The following MYH9 variants were observed in gnomAD, a reference collection of about 807,000 sequenced individuals.
MYH9 encodes myosin-9.
In MYH9, 29 loss-of-function variants were observed where a neutral mutation model predicts 241.9. The ratio of observed to expected loss-of-function variants is 0.12; its 90% CI spans 0.09 to 0.16. The LOEUF (loss-of-function observed/expected upper bound fraction) is 0.16. MYH9 is among the 10% of genes least tolerant of loss of function. The probability of loss-of-function intolerance (pLI) is 1.00; values close to 1 mark genes in which losing one functional copy is unlikely to be tolerated. For synonymous variants in MYH9, 1,047 were observed against 1,062.6 expected, an observed-to-expected ratio of 0.99 and a Z score of 0.29; for missense variants, 1,803 against 2,595.5, an observed-to-expected ratio of 0.69 and a Z score of 6.63.
chr22:36,294,197 C>T lies in MYH9; in HGVS notation c.3732G>A (p.Glu1244=). ...KVLLQGKGDS[E]HKRKKVEAQL... ...GCGCCTCCACTTTCTTGCGCTTGTG[C>T]TCCGAGTCCCCTTTGCCCTGCAGCA... The change falls in exon 28 of 41, where the codon GAG becomes GAA. Residue 1244 remains glutamate, a synonymous_variant. Coordinates refer to ENST00000216181, the MANE Select transcript of MYH9 (RefSeq NM_002473.6). 1.9e-6 allele frequency: 3 copies of T among 1,614,046 alleles called. No individual in the cohort carries two copies. The highest frequency in any genetic ancestry group is 2.5e-6 in the Non-Finnish European group (3 of 1,180,048).
chr22:36,358,012 G>C (rs2017882234), intron 1 of MYH9, among the ~76,000 whole-genome samples: 1 of 152,228 alleles, frequency 6.6e-6, no homozygotes, highest in East Asian at 1.9e-4. Flanking sequence ...GGGTCCAGAT[G>C]ATTAACGGAA....
chr22:36,377,579 C>A (rs1273178354), intron 1 of MYH9, among the ~76,000 whole-genome samples: 1 of 152,152 alleles, frequency 6.6e-6, no homozygotes, highest in African/African-American at 2.4e-5. Context: ...ACCTTGTTAT[C>A]AAGGGACAGG....
intron 1 of MYH9, among the ~76,000 whole-genome samples, chr22:36,371,160 T>A (rs1603484508): frequency 6.6e-6 from 1 of 152,350 alleles, no homozygotes; most frequent in East Asian, 1.9e-4. Flanking sequence ...GATTGAATTG[T>A]GTCCCTCCCA....
intron 1 of MYH9, among the ~76,000 whole-genome samples, chr22:36,359,513 T>A (rs2017904265): frequency 6.6e-6 from 1 of 152,158 alleles, no homozygotes; most frequent in South Asian, 2.1e-4. Flanking sequence ...AATTTTTATA[T>A]CCTCAAAACA....
chr22:36,288,465 T>C lies in MYH9; in HGVS notation c.4771-52A>G, dbSNP rs1473090720. 6.2e-7 allele frequency: 1 copy of C among 1,600,034 alleles called. No homozygotes were observed. Among genetic ancestry groups the C allele is most frequent in the South Asian group, 1.1e-5 (1 of 91,006 alleles). On this transcript the variant is annotated intron_variant, in intron 33 of 40. Coordinates refer to ENST00000216181, the MANE Select transcript of MYH9 (RefSeq NM_002473.6). This position sits in a 1 kb window ranked among gnomAD's most constrained non-coding sequence, Gnocchi z 4.8. ...GGAAGCTGGACCCACTGGGAGACCCTGCCCTAGCTCTGAACTCAGGAGCCT... is the reference window on the plus strand; with the variant it reads ...GGAAGCTGGACCCACTGGGAGACCCCGCCCTAGCTCTGAACTCAGGAGCCT...
chr22:36,342,061 C>A (rs916475053), intron 2 of MYH9, among the ~76,000 whole-genome samples: 1 of 152,226 alleles, frequency 6.6e-6, no homozygotes, highest in Non-Finnish European at 1.5e-5. Context: ...GGGTCCCTGA[C>A]AGACACCTCT....
Position 36,341,527 on chromosome 22 carries a change from CT to C in MYH9, c.334-2del. On this transcript the variant is annotated splice_acceptor_variant, in intron 2 of 40. Transcript: ENST00000216181. LOFTEE classifies it high-confidence loss of function. ...CCACACAGAACAGGCCTGAATAGGT[CT>C]AAAGAAAAGAGCGGCAGATAGGAAC... 1 of 1,613,850 alleles carries C rather than the reference CT, an allele frequency of 6.2e-7. No individual in the cohort carries two copies.
At chr22:36,359,485 C>T (rs1263372989) in intron 1 of MYH9, among the ~76,000 whole-genome samples, 2 of 152,196 alleles carry the variant, frequency 1.3e-5, no homozygotes, top group East Asian at 3.8e-4. Context: ...GTTACAAACA[C>T]CAAACCATTT....
chr22:36,301,440 TAG>T (rs1236085975), intron 21 of MYH9, 92 bp downstream of exon 21: 4 of 1,550,104 alleles, frequency 2.6e-6, no homozygotes, highest in Non-Finnish European at 2.6e-6. Flanking sequence ...CCTATAGTAA[TAG>T]AAACTTCCAG....
chr22:36,296,471 A>G (rs2016789289), intron 25 of MYH9, among the ~76,000 whole-genome samples: 1 of 150,922 alleles, frequency 6.6e-6, no homozygotes, highest in Admixed American at 6.6e-5. Context: ...CCTGACCTCA[A>G]GTGATCCACC....
intron 3 of MYH9, among the ~76,000 whole-genome samples, chr22:36,335,366 C>T (rs1372363393): frequency 2.6e-5 from 4 of 152,244 alleles, no homozygotes; most frequent in East Asian, 1.9e-4. Flanking sequence ...GGCCTGCTCC[C>T]AACCTCCCCA....
chr22:36,382,446 G>A (rs2018273736), intron 1 of MYH9, among the ~76,000 whole-genome samples: 1 of 152,058 alleles, frequency 6.6e-6, no homozygotes, highest in Non-Finnish European at 1.5e-5. Flanking sequence ...CTGCACTCCA[G>A]CCTGGGCAAC....
Position 36,306,086 on chromosome 22 carries a change from C to T in MYH9, c.2038-35G>A, listed in dbSNP as rs1484299550. The T allele has an allele frequency of 1.2e-6, 2 of 1,611,406 alleles. No individual in the cohort carries two copies. The highest frequency in any genetic ancestry group is 1.7e-6 in the Non-Finnish European group (2 of 1,179,952). ...AAAACACATGCATGCGGTCTCACTT[C>T]CGTGCCTAGAACAGTCGGAGAATAG... On this transcript the variant is annotated intron_variant, in intron 16 of 40. Transcript: ENST00000216181. The surrounding 1 kb of genome is among the most constrained non-coding windows in gnomAD (Gnocchi z 4.1).
intron 1 of MYH9, among the ~76,000 whole-genome samples, chr22:36,376,801 T>C (rs977095394): frequency 2.0e-5 from 3 of 152,150 alleles, no homozygotes; most frequent in Admixed American, 6.5e-5. Flanking sequence ...CAGTGGCTCA[T>C]GCCTGTAATC....
Position 36,316,637 on chromosome 22 carries a change from C to G in MYH9, c.1260G>C (p.Ala420=), listed in dbSNP as rs369202401. ...GCCAGCGGAACATCCGCTCATAGGT[C>G]GCCTTGGCCAAGGCCTCGATGGCAA... ...ADFAIEALAK[A]TYERMFRWLV... is the part of the protein sequence containing the mutation. Residue 420 remains alanine (A), a synonymous_variant, in exon 12 of 41, where the codon GCG becomes GCC. Transcript: ENST00000216181. 14 of 1,613,906 alleles carry G rather than the reference C, an allele frequency of 8.7e-6. No homozygotes were observed. Among genetic ancestry groups the G allele is most frequent in the Non-Finnish European group, 1.2e-5 (14 of 1,180,046 alleles).
rs552935846 is a variant in MYH9 at position 36,379,599 on chromosome 22, A to T, written c.-20+8208T>A. 5.9e-5 allele frequency among the ~76,000 whole-genome samples: 9 copies of T among 152,326 alleles called. No homozygotes were observed. In the East Asian group the frequency reaches 1.7e-3, roughly 29 times the overall value. ...TGAGAAGCCCCTTTTCTCCTCTGGG[A>T]CATACCATAAGGATGGTAAGGGCCT... On this transcript the variant is annotated intron_variant, in intron 1 of 40. Transcript: ENST00000216181.
At chr22:36,358,073 G>A (rs1361170258) in intron 1 of MYH9, among the ~76,000 whole-genome samples, 1 of 152,278 alleles carries the variant, frequency 6.6e-6, no homozygotes, top group East Asian at 1.9e-4. Context: ...TGTTGACACA[G>A]CTGTGCCAGC....
chr22:36,343,110 A>G (rs1231251837), intron 2 of MYH9, among the ~76,000 whole-genome samples: 1 of 152,228 alleles, frequency 6.6e-6, no homozygotes, highest in African/African-American at 2.4e-5. Context: ...GACAGGGTCC[A>G]CATAGGAACC....
chr22:36,298,020 G>C (rs913107815), intron 24 of MYH9, among the ~76,000 whole-genome samples: 20 of 152,162 alleles, frequency 1.3e-4, no homozygotes, highest in African/African-American at 4.8e-4. Flanking sequence ...AGATGACCAA[G>C]TCTTCCGGGC....
Sources: allele counts gnomAD v4.1 joint callset (sites outside exome capture counted in the v4.1 genomes callset), GRCh38; gene constraint gnomAD v4.1.1; non-coding constraint Gnocchi (gnomAD v3.1); transcripts MANE v1.5; gene names NCBI Gene and HGNC (gene_info 2026-07-23, HGNC 2026-07-21).